ANXA4: variants seen among roughly 807,000 people sequenced by gnomAD.
ANXA4 encodes 35-beta calcimedin.
In ANXA4, 39 loss-of-function variants were observed where a neutral mutation model predicts 49.8. That is an observed-to-expected ratio of 0.78 (90% CI 0.61 to 1.02). The LOEUF is 1.02. Ranked by LOEUF, ANXA4 falls within the 50% of genes least tolerant of loss-of-function variation. The pLI, the probability that ANXA4 is intolerant of heterozygous loss-of-function variation, is 0.00. For missense variants in ANXA4, 360 were observed against 410.1 expected (o/e 0.88, Z 1.05); for synonymous variants, 134 against 152.5 (o/e 0.88, Z 0.89).
At chr2:69,764,481 C>G (rs1671424835) in intron 1 of ANXA4, among the ~76,000 whole-genome samples, 1 of 152,064 alleles carries the variant, frequency 6.6e-6, no homozygotes, top group Non-Finnish European at 1.5e-5. Context: ...TGGACTTTGC[C>G]TTAGAGTGGG....
rs115688774 is a variant in ANXA4, at chr2:69,769,237, C to T, written c.-46-12283C>T. Among the ~76,000 whole-genome samples, 496 of 150,976 alleles carry T rather than the reference C, an allele frequency of 3.3e-3. 4 individuals carry two copies. Among genetic ancestry groups the T allele is most frequent in the African/African-American group, 0.011 (472 of 41,206 alleles). On this transcript the variant is annotated intron_variant, in intron 1 of 12. Transcript: ENST00000394295. ...AACAAAGCAAGGATTAAACTATCAACATGTGGGACCCAGTCAGCTTTCCCA... is the reference window on the plus strand; with the variant it reads ...AACAAAGCAAGGATTAAACTATCAATATGTGGGACCCAGTCAGCTTTCCCA...
At chr2:69,674,007 C>G (rs756509941) in intron 2 of ANXA4, 2 of 152,496 alleles carry the variant, frequency 1.3e-5, no homozygotes, top group African/African-American at 4.8e-5. Context: ...AGCTGGCTGC[C>G]CACTGTGCTT....
chr2:69,741,130 T>C (rs1374079222), upstream of ANXA4, among the ~76,000 whole-genome samples: 5 of 152,226 alleles, frequency 3.3e-5, no homozygotes. Context: ...TAATTTAATG[T>C]TACCTCTCCA....
At chr2:69,679,316 T>C (rs1677517458) in intron 2 of ANXA4, among the ~76,000 whole-genome samples, 1 of 152,162 alleles carries the variant, frequency 6.6e-6, no homozygotes, top group South Asian at 2.1e-4. Context: ...GTTTTTATTT[T>C]TTGTAGAAAT....
chr2:69,687,660 G>A (rs1677836641), intron 2 of ANXA4, among the ~76,000 whole-genome samples: 1 of 152,068 alleles, frequency 6.6e-6, no homozygotes, highest in Non-Finnish European at 1.5e-5. Flanking sequence ...CGCATCAAAA[G>A]AGGGGATGGG....
At chr2:69,805,339 C>T (rs942825640) in intron 4 of ANXA4, among the ~76,000 whole-genome samples, 2 of 152,018 alleles carry the variant, frequency 1.3e-5, no homozygotes, top group African/African-American at 2.4e-5. Context: ...TGTGGTGGCT[C>T]ACACCTGTAA....
intron 1 of ANXA4, among the ~76,000 whole-genome samples, chr2:69,766,065 G>A (rs1341035233): frequency 6.6e-6 from 1 of 152,194 alleles, no homozygotes; most frequent in Non-Finnish European, 1.5e-5. Flanking sequence ...TCATACAACT[G>A]GATAATGCTT....
chr2:69,725,751 C>T (rs1669948548), intron 3 of ANXA4, among the ~76,000 whole-genome samples: 2 of 152,174 alleles, frequency 1.3e-5, no homozygotes, highest in African/African-American at 2.4e-5. Flanking sequence ...CTCTTGATCA[C>T]TCACAGCCTC....
At chr2:69,695,655 T>C (rs1354570238) in intron 2 of ANXA4, among the ~76,000 whole-genome samples, 1 of 152,120 alleles carries the variant, frequency 6.6e-6, no homozygotes, top group African/African-American at 2.4e-5. Flanking sequence ...AAAGCATGAG[T>C]TACCTTACCC....
intron 2 of ANXA4, among the ~76,000 whole-genome samples, chr2:69,687,894 A>T (rs1677844564): frequency 6.6e-6 from 1 of 152,240 alleles, no homozygotes; most frequent in African/African-American, 2.4e-5. Flanking sequence ...TGAACATATC[A>T]TTGAGTCCAT....
intron 1 of ANXA4, among the ~76,000 whole-genome samples, chr2:69,746,044 C>T (rs1670598342): frequency 6.6e-6 from 1 of 152,082 alleles, no homozygotes; most frequent in Non-Finnish European, 1.5e-5. Flanking sequence ...CAGAATCTTG[C>T]TCTGTCACCC....
chr2:69,756,009 A>G (rs1671026766), intron 1 of ANXA4, among the ~76,000 whole-genome samples: 1 of 152,218 alleles, frequency 6.6e-6, no homozygotes, highest in South Asian at 2.1e-4. Flanking sequence ...GCTACTGACC[A>G]TCTACTCCCA....
chr2:69,690,168 G>A (rs1677913684), intron 2 of ANXA4, among the ~76,000 whole-genome samples: 1 of 152,050 alleles, frequency 6.6e-6, no homozygotes, highest in Non-Finnish European at 1.5e-5. Flanking sequence ...ATTTTAGCAT[G>A]GTCAGCTGAA....
At chr2:69,697,793 A>G (rs574498992) in intron 2 of ANXA4, among the ~76,000 whole-genome samples, 1 of 152,248 alleles carries the variant, frequency 6.6e-6, no homozygotes, top group African/African-American at 2.4e-5. Context: ...GTATGGGCAC[A>G]GTTTATGGTG....
chr2:69,760,204 T>G (rs1440837789), intron 1 of ANXA4, among the ~76,000 whole-genome samples: 1 of 152,230 alleles, frequency 6.6e-6, no homozygotes, highest in African/African-American at 2.4e-5. Flanking sequence ...TTAGTCTTCA[T>G]TTCTTTTAGG....
intron 2 of ANXA4, among the ~76,000 whole-genome samples, chr2:69,692,273 G>A (rs1394643508): frequency 6.6e-6 from 1 of 152,186 alleles, no homozygotes; most frequent in Non-Finnish European, 1.5e-5. Flanking sequence ...TATAAAATAT[G>A]AATTTGGGCA....
At chr2:69,799,560 C>CA (rs1326671727) in intron 3 of ANXA4, among the ~76,000 whole-genome samples, 1 of 152,198 alleles carries the variant, frequency 6.6e-6, no homozygotes, top group African/African-American at 2.4e-5. Context: ...GCTGGGGACT[C>CA]ACTTTACCCT....
chr2:69,661,792 G>A (rs1676733119), intron 2 of ANXA4, among the ~76,000 whole-genome samples: 1 of 152,062 alleles, frequency 6.6e-6, no homozygotes, highest in Admixed American at 6.6e-5. Context: ...TGGGTGTGTA[G>A]GTGAGACTAA....
intron 2 of ANXA4, among the ~76,000 whole-genome samples, chr2:69,784,064 C>T (rs970244010): frequency 1.4e-4 from 21 of 152,084 alleles, no homozygotes; most frequent in Admixed American, 7.2e-4. Flanking sequence ...TGATATGGCA[C>T]CTATTTCTAT....
Sources: allele counts gnomAD v4.1 joint callset (sites outside exome capture counted in the v4.1 genomes callset), GRCh38; gene constraint gnomAD v4.1.1; transcripts MANE v1.5; gene names NCBI Gene and HGNC (gene_info 2026-07-23, HGNC 2026-07-21).